The following GPCPD1 variants were observed in gnomAD, a reference collection of about 807,000 sequenced individuals.
The protein encoded by GPCPD1 is glycerophosphocholine phosphodiesterase GPCPD1.
A neutral mutation model predicts 89.2 loss-of-function variants in GPCPD1; 29 were observed. The observed-to-expected ratio is 0.33, with a 90% CI of 0.24 to 0.44. The LOEUF (loss-of-function observed/expected upper bound fraction) is 0.44, where lower values mean the gene tolerates loss of function less well. GPCPD1 is among the 20% of genes least tolerant of loss of function. The pLI, the probability that GPCPD1 is intolerant of heterozygous loss-of-function variation, is 1.00. For synonymous variants in GPCPD1, 258 were observed against 266.3 expected (o/e 0.97, Z 0.30); for missense variants, 594 against 808.9 (o/e 0.73, Z 3.22).
At chr20:5,554,356 A>G (rs2122547197) in intron 19 of GPCPD1, among the ~76,000 whole-genome samples, 1 of 152,264 alleles carries the variant, frequency 6.6e-6, no homozygotes, top group Admixed American at 6.5e-5. Flanking sequence ...TCACAGCTTG[A>G]GAGATGTCAA....
At chr20:5,602,372 C>T (rs922155710) in intron 2 of GPCPD1, among the ~76,000 whole-genome samples, 5 of 152,212 alleles carry the variant, frequency 3.3e-5, no homozygotes, top group African/African-American at 4.8e-5. Context: ...GAGAAAATTC[C>T]GTCTTCTCTC....
At chr20:5,552,182 G>A (rs539137499) in intron 19 of GPCPD1, among the ~76,000 whole-genome samples, 6 of 151,974 alleles carry the variant, frequency 3.9e-5, no homozygotes, top group Admixed American at 3.9e-4. Context: ...AAAAAAAAAT[G>A]TTGAGGGTAA....
intron 14 of GPCPD1, among the ~76,000 whole-genome samples, chr20:5,566,433 C>T (rs1048112602): frequency 1.3e-5 from 2 of 152,044 alleles, no homozygotes; most frequent in East Asian, 3.9e-4. Context: ...ACCCTGTAGC[C>T]GGATTCTATA....
At chr20:5,549,544 T>C (rs964997921) in intron 19 of GPCPD1, 16 of 942,548 alleles carry the variant, frequency 1.7e-5, no homozygotes, top group Non-Finnish European at 2.1e-5. Flanking sequence ...GCAATCGAGA[T>C]TTTGGAGCTG....
chr20:5,604,453 A>G lies in GPCPD1; in HGVS notation c.-28-13T>C. 7.7e-7 allele frequency: 1 copy of G among 1,294,228 alleles called. No homozygotes were observed. Among genetic ancestry groups the G allele is most frequent in the Non-Finnish European group, 1.1e-6 (1 of 904,294 alleles). The allele number at this position is 1,294,228 out of a possible 1,614,324, so 80.2% of individuals were successfully genotyped here. ...TTATGATGTCGTGCTAGGAAAAAAA[A>G]GAAAAGTAACTTATAGTATAAAAAT... On this transcript the variant is annotated splice_polypyrimidine_tract_variant and intron_variant, in intron 1 of 19. Coordinates refer to ENST00000379019, the MANE Select transcript of GPCPD1 (RefSeq NM_019593.5).
chr20:5,584,369 T>C lies in GPCPD1; in HGVS notation c.308-47A>G, dbSNP rs374782730. ...AAATTTAGTTAAAACTCTTGATGCA[T>C]ACCCAGTGAACAACTGAGAAATTAC... On this transcript the variant is annotated intron_variant, in intron 5 of 19. Coordinates refer to ENST00000379019, the MANE Select transcript of GPCPD1 (RefSeq NM_019593.5). 5.3e-5 allele frequency: 42 copies of C among 794,284 alleles called. No individual in the cohort carries two copies. The African/African-American group carries it at 6.5e-4, about 12-fold the overall frequency. The allele number at this position is 794,284 out of a possible 1,614,324, so 49.2% of individuals were successfully genotyped here. A position where few individuals can be genotyped will look rare whatever the true frequency, so the allele number is the denominator to read the frequency against.
At chr20:5,547,923 C>T in intron 19 of GPCPD1, 73 bp from the exon 20 acceptor site, 1 of 712,328 alleles carries the variant, frequency 1.4e-6, no homozygotes. Context: ...CCTGACTCAA[C>T]CTTTTCATAA....
chr20:5,576,529 ATAT>A (rs1285559146), intron 8 of GPCPD1, among the ~76,000 whole-genome samples: 5 of 152,138 alleles, frequency 3.3e-5, no homozygotes, highest in Non-Finnish European at 7.4e-5. Flanking sequence ...AATCAAATTT[ATAT>A]TCATGTGACT....
rs1568658975 is a variant in GPCPD1, at chr20:5,575,561, AGAGG to A, written c.869-20_869-17del. Reference sequence around the variant, plus strand: ...ATATAGTCAACTTTCATAGGAAAAAAGAGGGAGGAACAAAAATAAAAATGATTAA... The same window carrying A: ...ATATAGTCAACTTTCATAGGAAAAAAGAGGAACAAAAATAAAAATGATTAA... On this transcript the variant is annotated splice_polypyrimidine_tract_variant and intron_variant, in intron 9 of 19. Transcript: ENST00000379019. 2 of 1,520,878 alleles carry A rather than the reference AGAGG, an allele frequency of 1.3e-6. No individual in the cohort carries two copies. Among genetic ancestry groups the A allele is most frequent in the Non-Finnish European group, 1.8e-6 (2 of 1,104,274 alleles). 94.2% of individuals were successfully genotyped at this position (1,520,878 alleles called of 1,614,324 possible).
At chr20:5,594,774 C>T (rs1244197013) in intron 3 of GPCPD1, among the ~76,000 whole-genome samples, 2 of 152,156 alleles carry the variant, frequency 1.3e-5, no homozygotes, top group African/African-American at 2.4e-5. Flanking sequence ...TTGTATTGCA[C>T]TTTATTATAC....
chr20:5,549,748 C>CTAA (rs1985264097), intron 19 of GPCPD1, among the ~76,000 whole-genome samples: 1 of 95,616 alleles, frequency 1.0e-5, no homozygotes, highest in Non-Finnish European at 2.0e-5. Context: ...GAACCTGCCT[C>CTAA]AAAAAAAAAA....
At chr20:5,569,467 CAGCTATGTA>C (rs1460675539) in intron 12 of GPCPD1, among the ~76,000 whole-genome samples, 4 of 151,840 alleles carry the variant, frequency 2.6e-5, no homozygotes, top group Admixed American at 1.3e-4. Flanking sequence ...AGTTTTTTTA[CAGCTATGTA>C]AGTTTTTAAA....
chr20:5,585,246 AAT>A lies in GPCPD1; in HGVS notation c.308-926_308-925del, dbSNP rs201776402. 912 of 152,232 alleles carry A rather than the reference AAT, an allele frequency of 6.0e-3. 13 individuals are homozygous for A. The highest frequency in any genetic ancestry group is 0.027 in the Middle Eastern group (8 of 294). The allele number at this position is 152,232 out of a possible 1,614,324, so 9.4% of individuals were successfully genotyped here. On this transcript the variant is annotated intron_variant, in intron 5 of 19. Coordinates refer to ENST00000379019, the MANE Select transcript of GPCPD1 (RefSeq NM_019593.5). ...TAAGTATACTCTCATAAAAATCCTA[AAT>A]ACACTATCAAAAATGTATTAAAACA...
At chr20:5,558,579 A>T in intron 18 of GPCPD1, 105 bp downstream of exon 18, 1 of 647,168 alleles carries the variant, frequency 1.5e-6, no homozygotes, top group Non-Finnish European at 2.6e-6. Context: ...GCTACAGTTT[A>T]GTCAAAACGT....
At chr20:5,559,368 T>C (rs980301538) in intron 17 of GPCPD1, among the ~76,000 whole-genome samples, 10 of 152,222 alleles carry the variant, frequency 6.6e-5, no homozygotes, top group Non-Finnish European at 1.2e-4. Context: ...GGAAGCTCAC[T>C]TGAGCCTAAG....
intron 6 of GPCPD1, among the ~76,000 whole-genome samples, chr20:5,580,956 C>T (rs1819614629): frequency 6.6e-6 from 1 of 151,412 alleles, no homozygotes; most frequent in Non-Finnish European, 1.5e-5. Context: ...TCACTGCAGA[C>T]TCCACTTCCC....
chr20:5,556,645 C>T (rs931029049), intron 19 of GPCPD1, among the ~76,000 whole-genome samples: 1 of 152,190 alleles, frequency 6.6e-6, no homozygotes, highest in Non-Finnish European at 1.5e-5. Flanking sequence ...AAATGACATC[C>T]CTTCTAACCC....
At chr20:5,601,297 G>T (rs1322766230) in intron 2 of GPCPD1, among the ~76,000 whole-genome samples, 4 of 150,602 alleles carry the variant, frequency 2.7e-5, no homozygotes, top group Non-Finnish European at 5.9e-5. Context: ...GAGTCCAGGA[G>T]TTTGAGGAGC....
chr20:5,578,858 C>T (rs1438989641), intron 7 of GPCPD1, among the ~76,000 whole-genome samples: 1 of 151,992 alleles, frequency 6.6e-6, no homozygotes, highest in African/African-American at 2.4e-5. Context: ...GACCATTATG[C>T]CTACTAAGGT....
Sources: allele counts gnomAD v4.1 joint callset (sites outside exome capture counted in the v4.1 genomes callset), GRCh38; gene constraint gnomAD v4.1.1; transcripts MANE v1.5; gene names NCBI Gene and HGNC (gene_info 2026-07-23, HGNC 2026-07-21).